ZNF343: variants seen among roughly 807,000 people sequenced by gnomAD.
ZNF343 encodes the protein zinc finger protein 343.
A neutral mutation model predicts 13.8 loss-of-function variants in ZNF343; 11 were observed. The observed-to-expected ratio is 0.80, with a 90% CI of 0.50 to 1.32. The LOEUF (loss-of-function observed/expected upper bound fraction) is 1.32, where lower values mean the gene tolerates loss of function less well. Among genes scored for constraint, ZNF343 ranks in the 40% most tolerant of loss-of-function variants. The probability of loss-of-function intolerance (pLI) is 0.00; values close to 1 mark genes in which losing one functional copy is unlikely to be tolerated. For missense variants in ZNF343, 658 were observed against 714.2 expected, an observed-to-expected ratio of 0.92 and a Z score of 0.90; for synonymous variants, 248 against 260.0, an observed-to-expected ratio of 0.95 and a Z score of 0.44.
At chr20:2,505,343 G>A (rs1390957592) in intron 1 of ZNF343, among the ~76,000 whole-genome samples, 1 of 152,174 alleles carries the variant, frequency 6.6e-6, no homozygotes, top group Non-Finnish European at 1.5e-5. Context: ...TGGGTAGGAA[G>A]AATCAATATT....
At chr20:2,497,422 G>C (rs1163918942) in intron 2 of ZNF343, among the ~76,000 whole-genome samples, 3 of 152,178 alleles carry the variant, frequency 2.0e-5, no homozygotes, top group Non-Finnish European at 4.4e-5. Flanking sequence ...AGCCTGTGAG[G>C]GAGGGAAGAA....
intron 5 of ZNF343, 30 bp from the exon 6 acceptor site, chr20:2,484,686 G>A: frequency 6.4e-7 from 1 of 1,555,654 alleles, no homozygotes; most frequent in Non-Finnish European, 8.7e-7. Context: ...TGTTAGAGTA[G>A]CCATAAGTAG....
chr20:2,517,084 A>G (rs894864022), intron 1 of ZNF343, among the ~76,000 whole-genome samples: 3 of 152,220 alleles, frequency 2.0e-5, no homozygotes, highest in African/African-American at 7.2e-5. Flanking sequence ...ACTTGAAAAC[A>G]GCAAACCATG....
At position 2,493,590 on chromosome 20, in the gene ZNF343, A is replaced by G; in HGVS notation, c.119-13T>C. On this transcript the variant is annotated splice_polypyrimidine_tract_variant and intron_variant, in intron 3 of 5. Transcript: ENST00000278772. ...TTAGAAGGCAAGCCTAGGGAAAGAA[A>G]AAGAAGCTATGAGAAACCAGACCCC... 1.9e-6 allele frequency: 3 copies of G among 1,610,110 alleles called. No individual in the cohort carries two copies. The highest frequency in any genetic ancestry group is 2.5e-6 in the Non-Finnish European group (3 of 1,177,408).
intron 4 of ZNF343, chr20:2,493,147 A>G: frequency 2.1e-6 from 1 of 474,052 alleles, no homozygotes; most frequent in South Asian, 2.3e-5. Context: ...GAAGGAATTC[A>G]GAGATGAAAC....
At chr20:2,514,710 G>C (rs1351631130) in intron 1 of ZNF343, among the ~76,000 whole-genome samples, 1 of 152,142 alleles carries the variant, frequency 6.6e-6, no homozygotes. Flanking sequence ...GGCCAGGCAT[G>C]GTGGCTCACG....
intron 2 of ZNF343, chr20:2,495,665 AC>A (rs1347190715): frequency 6.7e-6 from 1 of 149,372 alleles, no homozygotes; most frequent in Non-Finnish European, 1.5e-5. Flanking sequence ...CTAAGTGCAG[AC>A]TTTTTTTTTT....
chr20:2,523,202 G>A (rs1346006758), intron 1 of ZNF343, among the ~76,000 whole-genome samples: 2 of 152,210 alleles, frequency 1.3e-5, no homozygotes, highest in African/African-American at 4.8e-5. Context: ...AGATGCCATG[G>A]CAATGTCAGG....
intron 2 of ZNF343, among the ~76,000 whole-genome samples, chr20:2,495,979 T>A (rs1230794679): frequency 6.6e-6 from 1 of 152,146 alleles, no homozygotes; most frequent in African/African-American, 2.4e-5. Flanking sequence ...CATGCCCGGC[T>A]ACTAAATGCA....
chr20:2,506,651 T>C (rs931617962), intron 1 of ZNF343, among the ~76,000 whole-genome samples: 1 of 152,172 alleles, frequency 6.6e-6, no homozygotes, highest in Non-Finnish European at 1.5e-5. Flanking sequence ...TGTAGGGACA[T>C]GGATGAAGCT....
At chr20:2,505,881 G>A (rs1326832654) in intron 1 of ZNF343, among the ~76,000 whole-genome samples, 2 of 152,118 alleles carry the variant, frequency 1.3e-5, no homozygotes, top group Admixed American at 1.3e-4. Flanking sequence ...CATAGGCATG[G>A]GCAAGGACTT....
chr20:2,515,985 T>A (rs2085757520), intron 1 of ZNF343, among the ~76,000 whole-genome samples: 1 of 150,918 alleles, frequency 6.6e-6, no homozygotes, highest in Non-Finnish European at 1.5e-5. Context: ...AAGGTCAGAG[T>A]CAGAAAGGGG....
rs148940613 is a variant in ZNF343 at position 2,483,592 on chromosome 20, G to A, written c.1369C>T (p.Arg457Trp). The A allele has an allele frequency of 3.2e-5, 51 of 1,586,174 alleles. No homozygotes were observed. Among genetic ancestry groups the A allele is most frequent in the Admixed American group, 1.8e-4 (10 of 57,068 alleles). Reference protein sequence around the residue: ...CDKSTLIIHERTHSGEKPYVC... With the variant: ...CDKSTLIIHEWTHSGEKPYVC... ...TAAGGCTTCTCTCCAGAGTGCGTCC[G>A]CTCGTGTATGATGAGGGTTGACTTG... The change falls in exon 6 of 6, where the codon CGG becomes TGG. Residue 457 changes from arginine (R) to tryptophan (W), a missense_variant. By Grantham distance (101) the Arg-to-Trp change is moderately radical. Transcript: ENST00000278772.
upstream of ZNF343, among the ~76,000 whole-genome samples, chr20:2,524,991 G>A (rs1351486335): frequency 6.6e-6 from 1 of 152,216 alleles, no homozygotes; most frequent in Admixed American, 6.5e-5. Context: ...CCCGCTTCCC[G>A]GCTTCCCGCT....
intron 5 of ZNF343, among the ~76,000 whole-genome samples, chr20:2,485,059 C>T (rs552178283): frequency 4.6e-5 from 7 of 152,228 alleles, no homozygotes; most frequent in Non-Finnish European, 2.9e-5. Flanking sequence ...GTCTGATAGA[C>T]ATAAAAAGTC....
intron 1 of ZNF343, among the ~76,000 whole-genome samples, chr20:2,516,450 C>T (rs191489249): frequency 5.9e-4 from 89 of 151,950 alleles, no homozygotes; most frequent in African/African-American, 2.0e-3. Context: ...AGAGTAGGTC[C>T]CAGTGAGGAT....
intron 1 of ZNF343, among the ~76,000 whole-genome samples, chr20:2,514,744 G>A (rs1382201525): frequency 6.6e-6 from 1 of 152,146 alleles, no homozygotes; most frequent in Non-Finnish European, 1.5e-5. Context: ...CACTTTGGGA[G>A]GCCAAGGCAG....
intron 1 of ZNF343, among the ~76,000 whole-genome samples, chr20:2,519,180 A>G (rs2085772442): frequency 6.6e-6 from 1 of 151,254 alleles, no homozygotes; most frequent in Admixed American, 6.6e-5. Context: ...TTCTCTACTT[A>G]CTCCCTCAAA....
At chr20:2,495,010 T>C (rs2085434508) in intron 2 of ZNF343, among the ~76,000 whole-genome samples, 1 of 152,194 alleles carries the variant, frequency 6.6e-6, no homozygotes, top group African/African-American at 2.4e-5. Context: ...CAGGTGGTAT[T>C]AGGAGCTATG....
Sources: allele counts gnomAD v4.1 joint callset (sites outside exome capture counted in the v4.1 genomes callset), GRCh38; gene constraint gnomAD v4.1.1; transcripts MANE v1.5; gene names NCBI Gene and HGNC (gene_info 2026-07-23, HGNC 2026-07-21).